ANKRD6: variants seen among roughly 807,000 people sequenced by gnomAD.
The protein encoded by ANKRD6 is ankyrin repeat domain 6, also known as ankyrin repeat domain-containing protein 6.
In ANKRD6, 56 loss-of-function variants were observed where a neutral mutation model predicts 82.3. The ratio of observed to expected loss-of-function variants is 0.68; its 90% CI spans 0.55 to 0.85. The LOEUF (loss-of-function observed/expected upper bound fraction) is 0.85, where lower values mean the gene tolerates loss of function less well. Ranked by LOEUF, ANKRD6 falls within the 40% of genes least tolerant of loss-of-function variation. The probability of loss-of-function intolerance (pLI) is 0.00; values close to 1 mark genes in which losing one functional copy is unlikely to be tolerated. For missense variants in ANKRD6, 852 were observed against 907.6 expected, an observed-to-expected ratio of 0.94 and a Z score of 0.79; for synonymous variants, 347 against 352.1, an observed-to-expected ratio of 0.99 and a Z score of 0.16.
chr6:89,571,220 T>G (rs1789822288), intron 2 of ANKRD6, among the ~76,000 whole-genome samples: 1 of 151,036 alleles, frequency 6.6e-6, no homozygotes, highest in African/African-American at 2.4e-5. Flanking sequence ...CCTGGCTAAT[T>G]TTTTTTTTAT....
At position 89,579,551 on chromosome 6, in the gene ANKRD6, T is replaced by C. The variant is rs149481506; in HGVS notation, c.120+12455T>C. On this transcript the variant is annotated intron_variant, in intron 2 of 15. Transcript: ENST00000339746. ...TTTGGGAGGTCAAGGCTGGTGGATC[T>C]CTTGAGGCCAGGAGTTCAAGACTAG... is the stretch of plus-strand genomic sequence containing the variant. Among the ~76,000 whole-genome samples the C allele has an allele frequency of 2.9e-3, 447 of 152,084 alleles. 2 individuals carry two copies. The highest frequency in any genetic ancestry group is 0.01 in the African/African-American group (434 of 41,510).
intron 1 of ANKRD6, among the ~76,000 whole-genome samples, chr6:89,531,976 C>T (rs944407323): frequency 1.1e-4 from 17 of 152,102 alleles, no homozygotes; most frequent in African/African-American, 4.1e-4. Flanking sequence ...GCTGATGCTG[C>T]GGTTCAAGAC....
intron 13 of ANKRD6, 122 bp from the exon 14 acceptor site, chr6:89,627,461 G>T: frequency 1.5e-6 from 1 of 679,458 alleles, no homozygotes; most frequent in Admixed American, 2.7e-5. Context: ...AATCAGATAA[G>T]GGGTTGAAGT....
intron 1 of ANKRD6, among the ~76,000 whole-genome samples, chr6:89,548,902 C>G (rs1002815884): frequency 6.6e-5 from 10 of 152,242 alleles, no homozygotes; most frequent in African/African-American, 2.4e-4. Context: ...TTCCAAAACT[C>G]GTGTTGAAAT....
intron 1 of ANKRD6, among the ~76,000 whole-genome samples, chr6:89,492,253 G>A (rs186082221): frequency 2.6e-5 from 4 of 152,276 alleles, no homozygotes; most frequent in South Asian, 4.1e-4. Flanking sequence ...GCCTGAGCGC[G>A]GATTTTGTGA....
intron 7 of ANKRD6, among the ~76,000 whole-genome samples, chr6:89,614,741 T>C (rs1366069314): frequency 6.6e-6 from 1 of 151,886 alleles, no homozygotes; most frequent in East Asian, 1.9e-4. Context: ...GCAGGTGGAT[T>C]GTTTGAGCCT....
chr6:89,601,133 G>A (rs138942769), intron 3 of ANKRD6, among the ~76,000 whole-genome samples: 42 of 152,282 alleles, frequency 2.8e-4, no homozygotes, highest in African/African-American at 9.4e-4. Flanking sequence ...GGTAGACAGC[G>A]CAAATGGCAC....
intron 4 of ANKRD6, among the ~76,000 whole-genome samples, 193 bp downstream of exon 4, chr6:89,603,320 AT>A (rs1229759944): frequency 0.093 from 10,694 of 114,746 alleles, 196 homozygotes; most frequent in South Asian, 0.12. Context: ...GCCAATTGTA[AT>A]TTTTTTTTTT....
At chr6:89,611,171 ATTT>A (rs55967563) in intron 5 of ANKRD6, among the ~76,000 whole-genome samples, 124 of 147,514 alleles carry the variant, frequency 8.4e-4, no homozygotes, top group Middle Eastern at 3.5e-3. Flanking sequence ...GTATTCCTCT[ATTT>A]TTTTTTTTTT....
chr6:89,518,239 C>T (rs1339959324), intron 1 of ANKRD6, among the ~76,000 whole-genome samples: 2 of 151,972 alleles, frequency 1.3e-5, no homozygotes, highest in Non-Finnish European at 2.9e-5. Flanking sequence ...CCCGCCTCTA[C>T]TAAAAATACA....
intron 1 of ANKRD6, among the ~76,000 whole-genome samples, chr6:89,471,005 C>T (rs911023958): frequency 6.6e-6 from 1 of 152,048 alleles, no homozygotes; most frequent in African/African-American, 2.4e-5. Flanking sequence ...TCTTTGAAGA[C>T]TGAGTTTGAA....
intron 1 of ANKRD6, among the ~76,000 whole-genome samples, chr6:89,495,611 A>G (rs1484481732): frequency 6.6e-6 from 1 of 151,912 alleles, no homozygotes; most frequent in African/African-American, 2.4e-5. Context: ...CTTTCTTAGT[A>G]TTTTCAGTAC....
intron 1 of ANKRD6, among the ~76,000 whole-genome samples, chr6:89,530,480 T>C (rs1783011290): frequency 6.6e-6 from 1 of 152,070 alleles, no homozygotes; most frequent in Non-Finnish European, 1.5e-5. Context: ...GGGGGAGTAG[T>C]TCACTGTTTT....
chr6:89,483,064 ATGT>A (rs1431220824), intron 1 of ANKRD6, among the ~76,000 whole-genome samples: 2 of 152,172 alleles, frequency 1.3e-5, no homozygotes, highest in Admixed American at 6.5e-5. Context: ...CTTCTCTGAA[ATGT>A]TGTCTTTTTT....
chr6:89,629,312 AG>A (rs767863009), intron 15 of ANKRD6, 74 bp downstream of exon 15: 2 of 1,591,082 alleles, frequency 1.3e-6, no homozygotes, highest in Non-Finnish European at 1.7e-6. Flanking sequence ...CTGCACTGAA[AG>A]GCAGTACGTA....
At chr6:89,620,084 TC>T (rs1802644575) in intron 9 of ANKRD6, 1 of 152,238 alleles carries the variant, frequency 6.6e-6, no homozygotes, top group Admixed American at 6.5e-5. Context: ...ACTCCTGACC[TC>T]AGATGATCCA....
intron 1 of ANKRD6, among the ~76,000 whole-genome samples, chr6:89,439,435 T>C (rs1771078570): frequency 6.6e-6 from 1 of 152,222 alleles, no homozygotes; most frequent in Admixed American, 6.5e-5. Context: ...AGTAAAATTG[T>C]AAAATTTGTA....
In ANKRD6 at chr6:89,613,909, T is replaced by A. The variant is rs1800849780; in HGVS notation, c.615+19T>A. The A allele has an allele frequency of 6.2e-7, 1 of 1,611,720 alleles. No individual in the cohort carries two copies. ...GAACCAGGTCAGTGCATGTATTCTC[T>A]TCATGGCTGCCAGCACCCTTCCCAC... On this transcript the variant is annotated intron_variant, in intron 7 of 15. Transcript: ENST00000339746.
At chr6:89,627,557 T>TA in intron 13 of ANKRD6, 26 bp from the exon 14 acceptor site, 1 of 1,609,714 alleles carries the variant, frequency 6.2e-7, no homozygotes, top group Middle Eastern at 1.7e-4. Context: ...ATCTCAGTCT[T>TA]ACACTCTGCT....
Sources: gnomAD v4.1 joint callset for allele counts (sites outside exome capture counted in the v4.1 genomes callset) on GRCh38, gnomAD v4.1.1 for gene constraint, MANE v1.5 for transcripts, NCBI Gene and HGNC (gene_info 2026-07-23, HGNC 2026-07-21) for gene names.